The following KLF8 variants were observed in gnomAD, a reference collection of about 807,000 sequenced individuals.
KLF8 encodes KLF transcription factor 8.
Under a neutral mutation model 18.2 loss-of-function variants are expected in KLF8, and 10 were observed. That is an observed-to-expected ratio of 0.55 (90% CI 0.34 to 0.93). The LOEUF is 0.93. Ranked by LOEUF, KLF8 falls within the 40% of genes least tolerant of loss-of-function variation. KLF8 has a pLI of 0.02. For synonymous variants in KLF8, 109 were observed against 97.3 expected (o/e 1.12, Z -0.71); for missense variants, 264 against 277.9 (o/e 0.95, Z 0.36).
chrX:56,262,919 G>A (rs994613366), intron 2 of KLF8, among the ~76,000 whole-genome samples: 12 of 111,702 alleles, frequency 1.1e-4, no homozygotes, highest in African/African-American at 2.9e-4. Flanking sequence ...CACCGCGCCC[G>A]CCCTACACTG....
chrX:56,242,886 T>C, intron 1 of KLF8: 1 of 378,337 alleles, frequency 2.6e-6, no homozygotes, highest in Non-Finnish European at 4.9e-6. Context: ...TTGTTTTTTC[T>C]TTCTGCTGGA....
the KLF8 span, among the ~76,000 whole-genome samples, chrX:56,200,311 G>A: frequency 4.6e-5 from 5 of 109,624 alleles, no homozygotes; most frequent in African/African-American, 6.6e-5. Flanking sequence ...AAAAAAAGGT[G>A]AACCAATAAA....
chrX:56,192,221 A>G, the KLF8 span, among the ~76,000 whole-genome samples: 1 of 112,033 alleles, frequency 8.9e-6, no homozygotes, highest in Admixed American at 9.5e-5. Flanking sequence ...AATTCCATTT[A>G]CAATAGCTAA....
At chrX:56,130,013 C>T in the KLF8 span, among the ~76,000 whole-genome samples, 56,757 of 108,080 alleles carry the variant, frequency 0.53, 13,596 homozygotes, top group Non-Finnish European at 0.73. Flanking sequence ...CCCACAGCAG[C>T]CTCAGTAAGC....
the KLF8 span, among the ~76,000 whole-genome samples, chrX:56,090,812 A>AC: frequency 1.8e-5 from 2 of 111,170 alleles, no homozygotes; most frequent in East Asian, 2.8e-4. Flanking sequence ...CTCAGCGTCT[A>AC]TTTTTCCCCT....
chrX:56,234,255 G>T lies in KLF8; in HGVS notation c.7+914G>T, dbSNP rs960563061. Among the ~76,000 whole-genome samples, 3 of 112,019 alleles carry T rather than the reference G, an allele frequency of 2.7e-5. No individual in the cohort carries two copies. In the South Asian group the frequency reaches 1.1e-3, roughly 42 times the overall value. On this transcript the variant is annotated intron_variant, in intron 1 of 5. Coordinates refer to ENST00000468660, the MANE Select transcript of KLF8 (RefSeq NM_007250.5). The stretch of plus-strand genomic sequence containing the variant: ...AATCTTTAAATTTGGATTTGAAACT[G>T]ATGGAGATTGCCATGGTTTGGGGTA...
chrX:56,222,714 C>T, the KLF8 span, among the ~76,000 whole-genome samples: 27 of 112,939 alleles, frequency 2.4e-4, no homozygotes, highest in Non-Finnish European at 3.9e-4. Flanking sequence ...CAGGGCATGG[C>T]GGGCTGCAGG....
chrX:56,085,236 C>T, the KLF8 span, among the ~76,000 whole-genome samples: 1 of 111,135 alleles, frequency 9.0e-6, no homozygotes, highest in South Asian at 3.8e-4. Flanking sequence ...TCCAGAGAAA[C>T]AAAACCAAGA....
the KLF8 span, among the ~76,000 whole-genome samples, chrX:56,041,119 C>CT: frequency 9.2e-6 from 1 of 108,139 alleles, no homozygotes; most frequent in Non-Finnish European, 1.9e-5. Context: ...CCGCTTTATC[C>CT]TTTTTTAATT....
At chrX:56,181,291 CT>C in the KLF8 span, among the ~76,000 whole-genome samples, 1 of 110,137 alleles carries the variant, frequency 9.1e-6, no homozygotes, top group Non-Finnish European at 1.9e-5. Context: ...GCAAGCCCTG[CT>C]TTTTTTTGTT....
At chrX:56,037,249 A>T in the KLF8 span, among the ~76,000 whole-genome samples, 84 of 111,698 alleles carry the variant, frequency 7.5e-4, 2 homozygotes, top group Admixed American at 8.0e-3. Context: ...CTATCCTTGC[A>T]TTCCTGGAAT....
At chrX:55,991,810 A>G in the KLF8 span, among the ~76,000 whole-genome samples, 1 of 111,949 alleles carries the variant, frequency 8.9e-6, no homozygotes, top group African/African-American at 3.2e-5. Flanking sequence ...CTTGTGTGAG[A>G]TGTTATCTTA....
At chrX:56,081,512 A>T in the KLF8 span, among the ~76,000 whole-genome samples, 1 of 111,947 alleles carries the variant, frequency 8.9e-6, no homozygotes, top group Admixed American at 9.5e-5. Flanking sequence ...CTTTCAGTAC[A>T]CTTTTCAATA....
the KLF8 span, among the ~76,000 whole-genome samples, chrX:56,070,165 A>C: frequency 9.0e-6 from 1 of 111,137 alleles, no homozygotes. Flanking sequence ...AAAACCAAAC[A>C]CAGCATGTTC....
chrX:56,180,423 C>G, the KLF8 span, among the ~76,000 whole-genome samples: 4 of 111,085 alleles, frequency 3.6e-5, no homozygotes, highest in East Asian at 1.1e-3. Context: ...CCTCTGGATT[C>G]GTTTATTTTT....
chrX:56,012,569 C>T, the KLF8 span, among the ~76,000 whole-genome samples: 1 of 111,534 alleles, frequency 9.0e-6, no homozygotes, highest in Admixed American at 9.5e-5. Flanking sequence ...CACTTTTATT[C>T]AATGTAGTAT....
the KLF8 span, among the ~76,000 whole-genome samples, chrX:56,201,358 A>G: frequency 7.1e-5 from 8 of 112,055 alleles, no homozygotes; most frequent in Non-Finnish European, 1.3e-4. Flanking sequence ...TAAACCAGGC[A>G]AAGAAAGACA....
chrX:56,140,613 G>A, the KLF8 span, among the ~76,000 whole-genome samples: 1 of 110,266 alleles, frequency 9.1e-6, no homozygotes, highest in Admixed American at 9.7e-5. Flanking sequence ...AGGGTGGATG[G>A]TGGGAAGAGG....
At chrX:56,071,453 A>G in the KLF8 span, among the ~76,000 whole-genome samples, 2 of 111,755 alleles carry the variant, frequency 1.8e-5, no homozygotes, top group African/African-American at 6.5e-5. Context: ...AGGTATCAAA[A>G]TGTAATTATA....
Sources: gnomAD v4.1 joint callset for allele counts (sites outside exome capture counted in the v4.1 genomes callset) on GRCh38, gnomAD v4.1.1 for gene constraint, MANE v1.5 for transcripts, NCBI Gene and HGNC (gene_info 2026-07-23, HGNC 2026-07-21) for gene names.